Variants in VPS13D observed in about 807,000 individuals in gnomAD.
VPS13D encodes vacuolar protein sorting 13 homolog D.
In VPS13D, 187 loss-of-function variants were observed where a neutral mutation model predicts 461.9. That is an observed-to-expected ratio of 0.40 (90% CI 0.36 to 0.46). VPS13D has a LOEUF of 0.46. VPS13D is among the 20% of genes least tolerant of loss of function. VPS13D has a pLI of 0.60. For missense variants in VPS13D, 4,711 were observed against 5,364.9 expected (o/e 0.88, Z 3.81); for synonymous variants, 1,951 against 1,986.3 (o/e 0.98, Z 0.47).
At chr1:12,295,168 G>A (rs1373308083) in intron 24 of VPS13D, among the ~76,000 whole-genome samples, 2 of 145,478 alleles carry the variant, frequency 1.4e-5, no homozygotes, top group African/African-American at 2.5e-5. Flanking sequence ...AGGTTGCAGT[G>A]AGCTGAGATC....
At chr1:12,413,785 T>C (rs1463433008) in intron 63 of VPS13D, among the ~76,000 whole-genome samples, 1 of 152,082 alleles carries the variant, frequency 6.6e-6, no homozygotes, top group Non-Finnish European at 1.5e-5. Context: ...ATATCTTTTT[T>C]TTTTTTTTTA....
In VPS13D at chr1:12,262,660, G is replaced by C. The variant is rs1233454229; in HGVS notation, c.1594+580G>C. 4.6e-5 allele frequency among the ~76,000 whole-genome samples: 7 copies of C among 151,984 alleles called. No homozygotes were observed. The East Asian group carries it at 1.4e-3, about 29-fold the overall frequency. ...GGGCTAGGCCAAGCTGTGATGTCCA[G>C]TAGGTTAGGTATATGAAATGCATTT... On this transcript the variant is annotated intron_variant, in intron 13 of 69. Transcript: ENST00000620676.
chr1:12,286,134 ATGGCATGATCT>A (rs1365034718), intron 21 of VPS13D, among the ~76,000 whole-genome samples: 1 of 150,454 alleles, frequency 6.6e-6, no homozygotes, highest in Non-Finnish European at 1.5e-5. Context: ...CTGGAGTGCA[ATGGCATGATCT>A]TGGCTCACTG....
intron 43 of VPS13D, 40 bp downstream of exon 43, chr1:12,345,549 C>T: frequency 6.3e-7 from 1 of 1,588,254 alleles, no homozygotes; most frequent in East Asian, 2.3e-5. Context: ...AAGCGACTGT[C>T]AGGAAGTCAG....
intron 5 of VPS13D, among the ~76,000 whole-genome samples, chr1:12,246,143 C>T (rs139897637): frequency 5.1e-4 from 78 of 152,200 alleles, no homozygotes; most frequent in African/African-American, 1.5e-3. Context: ...AGTGGGTACT[C>T]AAGTGAAAAA....
chr1:12,327,877 G>C (rs1392075086), intron 36 of VPS13D, 23 bp downstream of exon 36: 2 of 1,606,816 alleles, frequency 1.2e-6, no homozygotes, highest in Non-Finnish European at 1.7e-6. Flanking sequence ...CTGGTTTTCA[G>C]ATTCATCTTG....
Position 12,373,748 on chromosome 1 carries a change from A to G in VPS13D, c.10809-2A>G. The G allele has an allele frequency of 3.4e-6, 5 of 1,474,926 alleles. No individual in the cohort carries two copies. Among genetic ancestry groups the G allele is most frequent in the Non-Finnish European group, 4.5e-6 (5 of 1,118,254 alleles). 91.4% of individuals were successfully genotyped at this position (1,474,926 alleles called of 1,614,324 possible). On this transcript the variant is annotated splice_acceptor_variant, in intron 54 of 69. Transcript: ENST00000620676. LOFTEE classifies it high-confidence loss of function. Reference sequence around the variant, plus strand: ...GTAATATATATATTTTTTAAATTCTAGCTTGCAGGAGGGAACAGGCAGGCC... The same window carrying G: ...GTAATATATATATTTTTTAAATTCTGGCTTGCAGGAGGGAACAGGCAGGCC...
At chr1:12,264,904 T>G (rs911258376) in intron 13 of VPS13D, among the ~76,000 whole-genome samples, 1 of 152,206 alleles carries the variant, frequency 6.6e-6, no homozygotes, top group African/African-American at 2.4e-5. Context: ...CTTCAAAGCT[T>G]CAAAGAACAG....
intron 6 of VPS13D, among the ~76,000 whole-genome samples, chr1:12,251,577 C>T (rs570789186): frequency 1.3e-4 from 20 of 152,162 alleles, no homozygotes; most frequent in Non-Finnish European, 2.4e-4. Flanking sequence ...GGGCTGGAAG[C>T]GGCCAGCTGA....
chr1:12,371,663 G>C, intron 54 of VPS13D, among the ~76,000 whole-genome samples: 1 of 152,100 alleles, frequency 6.6e-6, no homozygotes, highest in East Asian at 1.9e-4. Context: ...AAAGTGCTGG[G>C]ATTACAGGCT....
intron 60 of VPS13D, among the ~76,000 whole-genome samples, chr1:12,387,164 A>G (rs1644360740): frequency 6.6e-6 from 1 of 152,184 alleles, no homozygotes; most frequent in African/African-American, 2.4e-5. Flanking sequence ...GACTGGAAAA[A>G]CTAAGAATTT....
Position 12,348,906 on chromosome 1 carries a change from C to G in VPS13D, c.9153C>G (p.Ala3051=), listed in dbSNP as rs148900735. ...GGAAAGTCATCACTGTCCGGTCAGC[C>G]CTCATTGTGAGGAACAGACTTGAGA... The part of the protein sequence containing the change: ...SARKVITVRS[A]LIVRNRLETP... Residue 3051 remains alanine (A), a synonymous_variant, in exon 45 of 70, where the codon GCC becomes GCG. Transcript: ENST00000620676. The G allele has an allele frequency of 1.4e-5, 23 of 1,614,134 alleles. No individual in the cohort carries two copies. Among genetic ancestry groups the G allele is most frequent in the Non-Finnish European group, 1.7e-5 (20 of 1,180,030 alleles).
rs6541024 is a variant in VPS13D, at chr1:12,505,093, C to T, written c.12795-1760C>T. Among the ~76,000 whole-genome samples, 4,972 of 152,252 alleles carry T rather than the reference C, an allele frequency of 0.033. 119 individuals carry two copies. Among genetic ancestry groups the T allele is most frequent in the Non-Finnish European group, 0.046 (3,154 of 68,004 alleles). On this transcript the variant is annotated intron_variant, in intron 68 of 69. Coordinates refer to ENST00000620676, the MANE Select transcript of VPS13D (RefSeq NM_015378.4). This position sits in a 1 kb window ranked among gnomAD's most constrained non-coding sequence, Gnocchi z 4.2. Reference sequence around the variant, plus strand: ...AACTTTGGAGTCTCCTTGGAGAGCCCGTGACGGCCTCAGTGGCTGTGCACC... The same window carrying T: ...AACTTTGGAGTCTCCTTGGAGAGCCTGTGACGGCCTCAGTGGCTGTGCACC...
chr1:12,267,198 C>T (rs988082120), intron 14 of VPS13D, among the ~76,000 whole-genome samples, 187 bp downstream of exon 14: 3 of 152,156 alleles, frequency 2.0e-5, no homozygotes, highest in Non-Finnish European at 2.9e-5. Context: ...CCTTCTTGCA[C>T]TCCTGTATTG....
intron 40 of VPS13D, among the ~76,000 whole-genome samples, chr1:12,338,807 T>G (rs930100284): frequency 1.3e-5 from 2 of 152,226 alleles, no homozygotes; most frequent in Non-Finnish European, 2.9e-5. Flanking sequence ...TTTTTGTGTT[T>G]AGGAGATAAA....
At chr1:12,359,476 A>G (rs1300000268) in intron 50 of VPS13D, among the ~76,000 whole-genome samples, 1 of 152,166 alleles carries the variant, frequency 6.6e-6, no homozygotes, top group African/African-American at 2.4e-5. Flanking sequence ...TAAGGCAAGT[A>G]TGGCTGAGGA....
intron 46 of VPS13D, among the ~76,000 whole-genome samples, chr1:12,351,640 G>A (rs1357084452): frequency 6.7e-6 from 1 of 150,356 alleles, no homozygotes; most frequent in Non-Finnish European, 1.5e-5. Context: ...CACCCAGGCT[G>A]CAGTGCAATG....
intron 65 of VPS13D, among the ~76,000 whole-genome samples, chr1:12,430,769 T>A (rs1222029164): frequency 6.6e-6 from 1 of 152,184 alleles, no homozygotes; most frequent in Non-Finnish European, 1.5e-5. Context: ...CACGCCAGAT[T>A]GTGTGAATGC....
chr1:12,341,107 G>A (rs993046527), intron 40 of VPS13D, among the ~76,000 whole-genome samples: 1 of 152,162 alleles, frequency 6.6e-6, no homozygotes, highest in East Asian at 1.9e-4. Context: ...CACATTCCCT[G>A]ATTAGAAGCT....
Sources: allele counts gnomAD v4.1 joint callset (sites outside exome capture counted in the v4.1 genomes callset), GRCh38; gene constraint gnomAD v4.1.1; non-coding constraint Gnocchi (gnomAD v3.1); transcripts MANE v1.5; gene names NCBI Gene and HGNC (gene_info 2026-07-23, HGNC 2026-07-21).